Variants in UNC13B observed in about 807,000 individuals in gnomAD.
The protein encoded by UNC13B is protein unc-13 homolog B.
A neutral mutation model predicts 211.0 loss-of-function variants in UNC13B; 144 were observed. That is an observed-to-expected ratio of 0.68 (90% confidence interval 0.60 to 0.78). The LOEUF is 0.78. Ranked by LOEUF, UNC13B falls within the 30% of genes least tolerant of loss-of-function variation. UNC13B has a pLI of 0.00. For synonymous variants in UNC13B, 709 were observed against 725.8 expected, an observed-to-expected ratio of 0.98 and a Z score of 0.37; for missense variants, 1,777 against 2,002.0, an observed-to-expected ratio of 0.89 and a Z score of 2.14.
At chr9:35,237,879 G>C in intron 5 of UNC13B, 53 bp downstream of exon 5, 1 of 1,538,586 alleles carries the variant, frequency 6.5e-7, no homozygotes. Context: ...GTTTGGAATT[G>C]TTTGCTAGTT....
intron 26 of UNC13B, among the ~76,000 whole-genome samples, chr9:35,395,118 T>C (rs891874512): frequency 3.3e-5 from 5 of 152,070 alleles, no homozygotes; most frequent in African/African-American, 1.2e-4. Flanking sequence ...TCTTTTGATG[T>C]CCCTGAGGGT....
chr9:35,288,800 C>G (rs748156043), intron 7 of UNC13B, among the ~76,000 whole-genome samples: 3 of 152,092 alleles, frequency 2.0e-5, no homozygotes, highest in Admixed American at 6.5e-5. Flanking sequence ...GTGGGGTGCT[C>G]AAAGATGAGG....
rs1166565352 is a variant in UNC13B, at chr9:35,381,595, G to A, written c.10531G>A (p.Gly3511Arg). ...CCTCACAGACATTCAGGGCAGTGGA[G>A]GAGTCCGCATCCCTGAAGCTCGAGG... is the stretch of plus-strand genomic sequence containing the variant. ...HYLTDIQGSG[G>R]VRIPEARGDD... is the part of the protein sequence containing the mutation. The change falls in exon 20 of 40, where the codon GGA (glycine) becomes AGA (arginine). Residue 3511 changes from glycine (G) to arginine (R), a missense_variant. By Grantham distance (125) the Gly-to-Arg change is moderately radical. Transcript: ENST00000635942. The A allele has an allele frequency of 1.2e-6, 2 of 1,614,216 alleles. No individual in the cohort carries two copies.
chr9:35,256,821 T>C (rs1826907296), intron 6 of UNC13B, among the ~76,000 whole-genome samples: 1 of 152,206 alleles, frequency 6.6e-6, no homozygotes, highest in African/African-American at 2.4e-5. Flanking sequence ...TTTGTCTCTA[T>C]ATTCATAAAT....
At chr9:35,260,230 C>T (rs2131632600) in intron 7 of UNC13B, among the ~76,000 whole-genome samples, 1 of 151,726 alleles carries the variant, frequency 6.6e-6, no homozygotes. Context: ...AACAAACAAA[C>T]AAACAAACCA....
intron 22 of UNC13B, chr9:35,385,383 G>A (rs781406178): frequency 8.8e-5 from 87 of 985,270 alleles, no homozygotes; most frequent in Non-Finnish European, 9.5e-5. Context: ...CTCACTGTTG[G>A]TGTGTAAGAA....
rs1473700813 is a variant in UNC13B at position 35,381,080 on chromosome 9, C to T, written c.10376-20C>T. ...GTCTAGTTGCATTGGTGTCAATCTC[C>T]AGTCTTCTTTCCTTCCTAGAGAAGA... On this transcript the variant is annotated intron_variant, in intron 18 of 39. Transcript: ENST00000635942. 2.5e-6 allele frequency: 4 copies of T among 1,606,146 alleles called. No homozygotes were observed. Among genetic ancestry groups the T allele is most frequent in the East Asian group, 2.2e-5 (1 of 44,876 alleles).
chr9:35,375,218 C>G lies in UNC13B; in HGVS notation c.9615+17C>G. On this transcript the variant is annotated intron_variant, in intron 14 of 39. Transcript: ENST00000635942. The stretch of plus-strand genomic sequence containing the variant: ...GAAGAGCTGGTAAGTGTCCCAAGTG[C>G]TTTCGTAAGTCCACTGGCCTCAGGA... The G allele has an allele frequency of 6.2e-7, 1 of 1,613,782 alleles. No homozygotes were observed. The highest frequency in any genetic ancestry group is 8.5e-7 in the Non-Finnish European group (1 of 1,179,704).
At chr9:35,170,149 T>C (rs1010382069) in intron 1 of UNC13B, among the ~76,000 whole-genome samples, 1 of 152,120 alleles carries the variant, frequency 6.6e-6, no homozygotes, top group African/African-American at 2.4e-5. Context: ...ATTTTCACAT[T>C]GTTATTATTA....
At chr9:35,240,223 C>T (rs1276046419) in intron 5 of UNC13B, among the ~76,000 whole-genome samples, 1 of 152,192 alleles carries the variant, frequency 6.6e-6, no homozygotes, top group Non-Finnish European at 1.5e-5. Flanking sequence ...TCCCTCTGTT[C>T]AGGGTCCCTG....
At chr9:35,247,132 A>C (rs888457825) in intron 6 of UNC13B, among the ~76,000 whole-genome samples, 3 of 152,078 alleles carry the variant, frequency 2.0e-5, no homozygotes, top group African/African-American at 7.2e-5. Context: ...ATGGGAGTTC[A>C]CTCATGATTT....
intron 6 of UNC13B, 32 bp downstream of exon 6, chr9:35,243,396 A>AT (rs752592066): frequency 3.1e-6 from 5 of 1,609,176 alleles, no homozygotes. Flanking sequence ...GTATAGAGAG[A>AT]TGGGGGAAAA....
intron 11 of UNC13B, among the ~76,000 whole-genome samples, chr9:35,332,610 A>G (rs1248804977): frequency 6.6e-6 from 1 of 152,114 alleles, no homozygotes; most frequent in African/African-American, 2.4e-5. Context: ...AGACTATAGT[A>G]TTAGTCTTCT....
chr9:35,375,225 A>G, intron 14 of UNC13B, 24 bp downstream of exon 14: 1 of 1,612,658 alleles, frequency 6.2e-7, no homozygotes, highest in Non-Finnish European at 8.5e-7. Flanking sequence ...GTGCTTTCGT[A>G]AGTCCACTGG....
intron 6 of UNC13B, among the ~76,000 whole-genome samples, chr9:35,243,941 G>C (rs377096024): frequency 2.0e-4 from 31 of 152,196 alleles, no homozygotes; most frequent in African/African-American, 6.5e-4. Flanking sequence ...TATACTTTGA[G>C]TGCCAGAGGA....
chr9:35,347,252 C>CTA (rs776469990), intron 11 of UNC13B, among the ~76,000 whole-genome samples: 3 of 152,254 alleles, frequency 2.0e-5, no homozygotes, highest in Non-Finnish European at 4.4e-5. Flanking sequence ...TTGTGATCAT[C>CTA]TATATATATC....
rs1445146994 is a variant in UNC13B, at chr9:35,307,298, A to G, written c.7894A>G (p.Met2632Val). The G allele has an allele frequency of 1.0e-5, 4 of 399,036 alleles. No individual in the cohort carries two copies. Among genetic ancestry groups the G allele is most frequent in the African/African-American group, 2.1e-5 (1 of 48,764 alleles). The allele number at this position is 399,036 out of a possible 1,614,324, so 24.7% of individuals were successfully genotyped here. Residue 2632 changes from methionine to valine, a missense_variant, in exon 9 of 40, where the codon ATG becomes GTG. Physicochemically the swap from Met to Val is conservative, Grantham distance 21. Transcript: ENST00000635942. ...GVLSLSDEGD[M>V]GILQATDTEA... ...ATTGTCTCTGAGTGATGAAGGAGACATGGGGATATTGCAAGCTACAGACAC... is the reference window on the plus strand; with the variant it reads ...ATTGTCTCTGAGTGATGAAGGAGACGTGGGGATATTGCAAGCTACAGACAC...
chr9:35,242,198 G>A (rs1825848801), intron 5 of UNC13B, among the ~76,000 whole-genome samples: 1 of 152,146 alleles, frequency 6.6e-6, no homozygotes, highest in Non-Finnish European at 1.5e-5. Flanking sequence ...TTTTCACTTA[G>A]AGACTCACTT....
chr9:35,290,473 T>C (rs879540111), intron 7 of UNC13B, among the ~76,000 whole-genome samples: 7 of 149,614 alleles, frequency 4.7e-5, no homozygotes, highest in Non-Finnish European at 8.9e-5. Context: ...GGTAAGGGAG[T>C]CTGGGAGCTT....
Sources: allele counts gnomAD v4.1 joint callset (sites outside exome capture counted in the v4.1 genomes callset), GRCh38; gene constraint gnomAD v4.1.1; transcripts MANE v1.5; gene names NCBI Gene and HGNC (gene_info 2026-07-23, HGNC 2026-07-21).